The following NLN variants were observed in gnomAD, a reference collection of about 807,000 sequenced individuals.
NLN encodes the protein neurolysin.
A neutral mutation model predicts 79.9 loss-of-function variants in NLN; 64 were observed. The observed-to-expected ratio is 0.80, with a 90% CI of 0.65 to 0.99. The LOEUF (loss-of-function observed/expected upper bound fraction) is 0.99. NLN is among the 50% of genes least tolerant of loss of function. NLN has a pLI of 0.00. For synonymous variants in NLN, 267 were observed against 296.6 expected (o/e 0.90, Z 1.02); for missense variants, 835 against 858.7 (o/e 0.97, Z 0.34).
intron 1 of NLN, among the ~76,000 whole-genome samples, chr5:65,756,082 TGTAC>T (rs1759211887): frequency 6.6e-6 from 1 of 152,194 alleles, no homozygotes; most frequent in Non-Finnish European, 1.5e-5. Flanking sequence ...TCTCAACATC[TGTAC>T]GTTTGCTGTT....
chr5:65,748,012 T>G (rs910800202), intron 1 of NLN, among the ~76,000 whole-genome samples: 5 of 151,698 alleles, frequency 3.3e-5, no homozygotes, highest in African/African-American at 1.2e-4. Context: ...ACCAGCCTGG[T>G]CAACATGGTG....
intron 1 of NLN, among the ~76,000 whole-genome samples, chr5:65,724,363 G>T (rs1001439755): frequency 6.6e-6 from 1 of 152,094 alleles, no homozygotes; most frequent in Non-Finnish European, 1.5e-5. Context: ...GTCCTTTTGC[G>T]TCTGGTTTAT....
Position 65,792,491 on chromosome 5 carries a change from C to T in NLN, c.1363C>T (p.Gln455Ter). ...CAATCATGCGGCCTGCTTCGGTCTCCAGCCTGGCTGCCTTCTGCCTGATGG... is the reference window on the plus strand; with the variant it reads ...CAATCATGCGGCCTGCTTCGGTCTCTAGCCTGGCTGCCTTCTGCCTGATGG... ...KYNHAACFGL[Q>*]PGCLLPDGSR... Residue 455 changes from glutamine (Q) to a stop codon, truncating the protein, a stop_gained, in exon 9 of 13, where the codon CAG becomes TAG. Transcript: ENST00000380985. LOFTEE classifies it high-confidence loss of function. 1 of 1,614,150 alleles carries T rather than the reference C, an allele frequency of 6.2e-7. No individual in the cohort carries two copies. Among genetic ancestry groups the T allele is most frequent in the Non-Finnish European group, 8.5e-7 (1 of 1,180,006 alleles).
In NLN at chr5:65,772,734, A is replaced by AT. The variant is rs755088317; in HGVS notation, c.451-4680dup. On this transcript the variant is annotated intron_variant, in intron 3 of 12. Transcript: ENST00000380985. ...TTTTTTGTTTGTTTGTTTGTTTTTCATTTTTTTTTTTTTAGAAACAGGGTC... is the reference window on the plus strand; with the variant it reads ...TTTTTTGTTTGTTTGTTTGTTTTTCATTTTTTTTTTTTTTAGAAACAGGGTC... 3.1e-3 allele frequency among the ~76,000 whole-genome samples: 407 copies of AT among 133,118 alleles called. 1 individual carries two copies. The highest frequency in any genetic ancestry group is 7.4e-3 in the Middle Eastern group (2 of 270). The allele number at this position is 133,118 out of a possible 152,430, so 87.3% of individuals were successfully genotyped here. A position where few individuals can be genotyped will look rare whatever the true frequency, so the allele number is the denominator to read the frequency against.
At chr5:65,787,250 ATG>A (rs201456514) in intron 7 of NLN, among the ~76,000 whole-genome samples, 1,650 of 142,842 alleles carry the variant, frequency 0.012, 24 homozygotes, top group African/African-American at 0.048. Context: ...ATATATATAT[ATG>A]TATGTGTGTG....
chr5:65,772,570 A>G (rs977162315), intron 3 of NLN, among the ~76,000 whole-genome samples: 7 of 152,234 alleles, frequency 4.6e-5, no homozygotes, highest in African/African-American at 1.7e-4. Context: ...ACTTTATAGT[A>G]AATGTCATGG....
chr5:65,733,392 G>C, intron 1 of NLN: 3 of 1,470,208 alleles, frequency 2.0e-6, no homozygotes, highest in Non-Finnish European at 2.8e-6. Context: ...TCATGGAAAC[G>C]AGACCTCCAT....
intron 12 of NLN, chr5:65,819,048 T>G (rs1760735443): frequency 6.6e-6 from 1 of 152,232 alleles, no homozygotes; most frequent in South Asian, 2.1e-4. Flanking sequence ...AATGAGTGCC[T>G]AAGTGCCTTA....
chr5:65,804,767 A>G (rs932363676), intron 9 of NLN, among the ~76,000 whole-genome samples: 2 of 152,140 alleles, frequency 1.3e-5, no homozygotes, highest in Non-Finnish European at 1.5e-5. Flanking sequence ...CTGGCCTCAA[A>G]TGATCTGCCT....
chr5:65,727,368 C>G (rs1758499942), intron 1 of NLN, among the ~76,000 whole-genome samples: 1 of 152,064 alleles, frequency 6.6e-6, no homozygotes, highest in African/African-American at 2.4e-5. Context: ...TAGGATCTTG[C>G]TATGTTGCCG....
rs761722243 is a variant in NLN at position 65,731,742 on chromosome 5, C to CTTT, written c.41+9352_41+9354dup. Among the ~76,000 whole-genome samples, 361 of 61,990 alleles carry CTTT rather than the reference C, an allele frequency of 5.8e-3. 67 individuals carry two copies. The highest frequency in any genetic ancestry group is 0.01 in the African/African-American group (163 of 15,724). 40.7% of individuals were successfully genotyped at this position (61,990 alleles called of 152,430 possible). A position where few individuals can be genotyped will look rare whatever the true frequency, so the allele number is the denominator to read the frequency against. Reference sequence around the variant, plus strand: ...GTATTTTAAAAATCACCTACATTTTCTTTTTTTTTTTTTTTTTTTTTTTTT... The same window carrying CTTT: ...GTATTTTAAAAATCACCTACATTTTCTTTTTTTTTTTTTTTTTTTTTTTTTTTT... On this transcript the variant is annotated intron_variant, in intron 1 of 12. Coordinates refer to ENST00000380985, the MANE Select transcript of NLN (RefSeq NM_020726.5).
rs1265283998 is a variant in NLN at position 65,734,462 on chromosome 5, T to C, written c.41+12048T>C. Among the ~76,000 whole-genome samples, 3 of 95,668 alleles carry C rather than the reference T, an allele frequency of 3.1e-5. 1 individual carries two copies. The highest frequency in any genetic ancestry group is 7.1e-5 in the Non-Finnish European group (3 of 42,394). The allele number at this position is 95,668 out of a possible 152,430, so 62.8% of individuals were successfully genotyped here. ...GTTTCCTAGACTCAGAAATGGAACC[T>C]GAAGTTCTAGAATGATGCAGGAGTT... On this transcript the variant is annotated intron_variant, in intron 1 of 12. Transcript: ENST00000380985.
rs1293048209 is a variant in NLN at position 65,826,500 on chromosome 5, C to A, written c.*3585C>A. On this transcript the variant is annotated 3_prime_UTR_variant, in exon 13 of 13. Coordinates refer to ENST00000380985, the MANE Select transcript of NLN (RefSeq NM_020726.5). ...CATTTTATTTGAATAGATGCAGTGA[C>A]CACAGCTTCTTCCCTCAAATCAACA... 6.6e-6 allele frequency: 1 copy of A among 152,214 alleles called. No individual in the cohort carries two copies. The allele number at this position is 152,214 out of a possible 1,614,324, so 9.4% of individuals were successfully genotyped here. A position where few individuals can be genotyped will look rare whatever the true frequency, so the allele number is the denominator to read the frequency against.
chr5:65,785,528 C>G (rs1008541570), intron 6 of NLN, among the ~76,000 whole-genome samples: 13 of 142,622 alleles, frequency 9.1e-5, no homozygotes, highest in Non-Finnish European at 2.0e-4. Flanking sequence ...GTAGCACCTA[C>G]AATTTTATTA....
At chr5:65,724,468 A>G (rs1758411606) in intron 1 of NLN, among the ~76,000 whole-genome samples, 1 of 152,152 alleles carries the variant, frequency 6.6e-6, no homozygotes, top group African/African-American at 2.4e-5. Flanking sequence ...TATATACCAC[A>G]TTTTGTTTAT....
In NLN at chr5:65,825,194, C is replaced by G. The variant is rs906906862; in HGVS notation, c.*2279C>G. The stretch of plus-strand genomic sequence containing the variant: ...GCATAATTCAAAAGAAAGGACTTAA[C>G]TTTTTTTTTTTTAGTGTGGTCATCC... On this transcript the variant is annotated 3_prime_UTR_variant, in exon 13 of 13. Coordinates refer to ENST00000380985, the MANE Select transcript of NLN (RefSeq NM_020726.5). 3 of 146,074 alleles carry G rather than the reference C, an allele frequency of 2.1e-5. No individual in the cohort carries two copies. The highest frequency in any genetic ancestry group is 3.0e-5 in the Non-Finnish European group (2 of 65,962). The allele number at this position is 146,074 out of a possible 1,614,324, so 9.0% of individuals were successfully genotyped here.
chr5:65,764,673 C>G (rs572565933), intron 3 of NLN, among the ~76,000 whole-genome samples: 11 of 152,224 alleles, frequency 7.2e-5, no homozygotes, highest in African/African-American at 2.6e-4. Context: ...TTTATTTGAG[C>G]TGGTTCATTT....
intron 3 of NLN, among the ~76,000 whole-genome samples, chr5:65,763,573 G>T (rs1215719607): frequency 6.6e-6 from 1 of 151,764 alleles, no homozygotes; most frequent in Admixed American, 6.6e-5. Flanking sequence ...GTTCTAGGTG[G>T]GTCTGTCCAG....
chr5:65,759,171 TATATC>T (rs1707478316), intron 2 of NLN, among the ~76,000 whole-genome samples: 1 of 152,150 alleles, frequency 6.6e-6, no homozygotes, highest in Admixed American at 6.5e-5. Context: ...GTATTCTTGT[TATATC>T]ATAGGCTTAG....
Sources: allele counts gnomAD v4.1 joint callset (sites outside exome capture counted in the v4.1 genomes callset), GRCh38; gene constraint gnomAD v4.1.1; transcripts MANE v1.5; gene names NCBI Gene and HGNC (gene_info 2026-07-23, HGNC 2026-07-21).